Variants in IQSEC3 observed in about 807,000 individuals in gnomAD.
IQSEC3 encodes the protein IQ motif and SEC7 domain-containing protein 3.
IQSEC3 carries 50 observed loss-of-function variants against 105.4 expected under a neutral mutation model. The observed-to-expected ratio is 0.47, with a 90% CI of 0.38 to 0.60. The LOEUF is 0.60. Among genes scored for constraint, IQSEC3 ranks in the 20% least tolerant of loss-of-function variants. The pLI is 0.00. For synonymous variants in IQSEC3, 708 were observed against 746.0 expected (o/e 0.95, Z 0.83); for missense variants, 1,415 against 1,630.0 (o/e 0.87, Z 2.27).
At chr12:69,840 C>T (rs1227455363) in intron 1 of IQSEC3, among the ~76,000 whole-genome samples, 9 of 152,238 alleles carry the variant, frequency 5.9e-5, no homozygotes, top group East Asian at 1.9e-4. Flanking sequence ...GCCCGTGGCC[C>T]GTTTTGTATG....
At chr12:149,844 G>T (rs193152205) in intron 5 of IQSEC3, among the ~76,000 whole-genome samples, 7 of 152,156 alleles carry the variant, frequency 4.6e-5, no homozygotes, top group African/African-American at 7.2e-5. Flanking sequence ...CAGGCTGCAG[G>T]GGGGGACCAT....
intron 5 of IQSEC3, among the ~76,000 whole-genome samples, chr12:146,700 GAGGA>G (rs1395255616): frequency 6.7e-6 from 1 of 149,392 alleles, no homozygotes; most frequent in East Asian, 2.1e-4. Context: ...AGGAGAGTGG[GAGGA>G]AGGGAGGGAG....
intron 1 of IQSEC3, among the ~76,000 whole-genome samples, chr12:88,588 C>A (rs1863988680): frequency 6.6e-6 from 1 of 152,206 alleles, no homozygotes; most frequent in Non-Finnish European, 1.5e-5. Context: ...GGGCAGAACA[C>A]TGAACCTGGT....
rs1403080435 is a variant in IQSEC3 at position 177,803 on chromosome 12, C to A, written c.*2770C>A. ...TAGGAAAAGCCTCCTGCTCCCTCCC[C>A]ACGGCAGCAGACAGGGCAGGGCCTC... On this transcript the variant is annotated 3_prime_UTR_variant, in exon 14 of 14. Coordinates refer to ENST00000538872, the MANE Select transcript of IQSEC3 (RefSeq NM_001170738.2). This position sits in a 1 kb window ranked among gnomAD's most constrained non-coding sequence, Gnocchi z 5.3. 1 of 152,422 alleles carries A rather than the reference C, an allele frequency of 6.6e-6. No homozygotes were observed. The highest frequency in any genetic ancestry group is 2.4e-5 in the African/African-American group (1 of 41,436). The allele number at this position is 152,422 out of a possible 1,614,324, so 9.4% of individuals were successfully genotyped here.
chr12:109,687 G>T lies in IQSEC3; in HGVS notation c.623+10473G>T, dbSNP rs118177642. The stretch of plus-strand genomic sequence containing the variant: ...CTGCACCCTTTCCCAGCACCTCCTT[G>T]TTGCTTGAGCCTCTAGAACCTTCCC... On this transcript the variant is annotated intron_variant, in intron 2 of 13. Coordinates refer to ENST00000538872, the MANE Select transcript of IQSEC3 (RefSeq NM_001170738.2). Among the ~76,000 whole-genome samples the T allele has an allele frequency of 8.0e-3, 1,211 of 152,024 alleles. 9 individuals carry two copies. The highest frequency in any genetic ancestry group is 0.029 in the East Asian group (152 of 5,164).
At chr12:67,820 G>C (rs1397524253) in intron 1 of IQSEC3, among the ~76,000 whole-genome samples, 10 of 151,938 alleles carry the variant, frequency 6.6e-5, no homozygotes, top group Middle Eastern at 3.4e-3. Flanking sequence ...GAAAAAATTT[G>C]GAAGGAAGTT....
chr12:161,787 A>G (rs1866901507), intron 7 of IQSEC3, 139 bp from the exon 8 acceptor site: 1 of 726,690 alleles, frequency 1.4e-6, no homozygotes, highest in African/African-American at 1.8e-5. Flanking sequence ...ATGAGGCACC[A>G]GCCATTGAAG....
At position 138,712 on chromosome 12, in the gene IQSEC3, A is replaced by T; in HGVS notation, c.1349A>T (p.Glu450Val). Reference sequence around the variant, plus strand: ...GCGGCCGCGGGGCCCCCAGGCCTGGAGGCCGAGGGGCGGGCGCCGGAGAGC... The same window carrying T: ...GCGGCCGCGGGGCCCCCAGGCCTGGTGGCCGAGGGGCGGGCGCCGGAGAGC... ...LQAAAGPPGL[E>V]AEGRAPESAG... Residue 450 changes from glutamate (E) to valine (V), a missense_variant, in exon 4 of 14, where the codon GAG becomes GTG. Glu to Val is a moderately radical substitution (Grantham distance 121). This residue lies in a region of IQSEC3 where 720 missense variants were observed against 633.0 expected (regional missense o/e 1.14). Transcript: ENST00000538872. This position sits in a 1 kb window ranked among gnomAD's most constrained non-coding sequence, Gnocchi z 7.1. 1 of 1,511,682 alleles carries T rather than the reference A, an allele frequency of 6.6e-7. No individual in the cohort carries two copies. The highest frequency in any genetic ancestry group is 8.8e-7 in the Non-Finnish European group (1 of 1,135,254). The allele number at this position is 1,511,682 out of a possible 1,614,324, so 93.6% of individuals were successfully genotyped here.
chr12:107,553 G>A (rs4283042), intron 2 of IQSEC3, among the ~76,000 whole-genome samples: 9,694 of 151,712 alleles, frequency 0.064, 405 homozygotes, highest in African/African-American at 0.11. Context: ...GGGACTACAG[G>A]TGCCCGCCAC....
chr12:124,390 A>AG (rs1491211208), intron 2 of IQSEC3, among the ~76,000 whole-genome samples: 2 of 1,938 alleles, frequency 1.0e-3, no homozygotes, highest in Non-Finnish European at 7.0e-3. Context: ...ACTCCATCTC[A>AG]AAAAAAAAAA....
chr12:109,616 CTTG>C (rs1565402334), intron 2 of IQSEC3, among the ~76,000 whole-genome samples: 2 of 151,692 alleles, frequency 1.3e-5, no homozygotes, highest in African/African-American at 2.4e-5. Flanking sequence ...CCCCTTCTCA[CTTG>C]CATCCCCCAG....
chr12:125,569 C>T (rs1045954951), intron 2 of IQSEC3, 64 bp from the exon 3 acceptor site: 5 of 1,418,730 alleles, frequency 3.5e-6, no homozygotes, highest in South Asian at 1.6e-5. Context: ...CTCCCCGACC[C>T]CCACATCCAC....
intron 5 of IQSEC3, among the ~76,000 whole-genome samples, chr12:149,845 G>C (rs782458436): frequency 1.3e-5 from 2 of 152,178 alleles, no homozygotes; most frequent in South Asian, 2.1e-4. Context: ...AGGCTGCAGG[G>C]GGGGACCATG....
At chr12:141,794 C>T (rs1183153998) in intron 5 of IQSEC3, 1 of 154,034 alleles carries the variant, frequency 6.5e-6, no homozygotes, top group Non-Finnish European at 1.4e-5. Flanking sequence ...GATAAATCTA[C>T]CAACAAAATC....
chr12:104,691 G>T (rs1864582710), intron 2 of IQSEC3, among the ~76,000 whole-genome samples: 1 of 152,224 alleles, frequency 6.6e-6, no homozygotes, highest in Non-Finnish European at 1.5e-5. Flanking sequence ...CGTCGTTGCC[G>T]CTAGGCAGCA....
intron 2 of IQSEC3, among the ~76,000 whole-genome samples, chr12:112,199 T>C (rs140187595): frequency 2.1e-3 from 308 of 149,012 alleles, no homozygotes; most frequent in African/African-American, 7.3e-3. Flanking sequence ...GGCAGGCTGA[T>C]AAGAACAAAC....
rs1454736443 is a variant in IQSEC3, at chr12:79,720, G to A, written c.554+12284G>A. Among the ~76,000 whole-genome samples the A allele has an allele frequency of 3.9e-5, 6 of 152,204 alleles. No individual in the cohort carries two copies. In the East Asian group the frequency reaches 9.7e-4, roughly 25 times the overall value. On this transcript the variant is annotated intron_variant, in intron 1 of 13. Coordinates refer to ENST00000538872, the MANE Select transcript of IQSEC3 (RefSeq NM_001170738.2). ...TAGCTTGATTTACTCTTTTCAAATA[G>A]ACAATACATTGACCTAGTACAAGAT...
In IQSEC3 at chr12:178,046, A is replaced by C. The variant is rs1038767381; in HGVS notation, c.*3013A>C. The C allele has an allele frequency of 6.6e-6, 1 of 152,094 alleles. No individual in the cohort carries two copies. The highest frequency in any genetic ancestry group is 1.5e-5 in the Non-Finnish European group (1 of 68,094). 9.4% of individuals were successfully genotyped at this position (152,094 alleles called of 1,614,324 possible). ...GGGAGATGAAACTAGTTTTCCACCC[A>C]CTTTTGGACAAGTCCCACCCCTAGA... On this transcript the variant is annotated 3_prime_UTR_variant, in exon 14 of 14. Coordinates refer to ENST00000538872, the MANE Select transcript of IQSEC3 (RefSeq NM_001170738.2).
intron 1 of IQSEC3, among the ~76,000 whole-genome samples, chr12:70,316 T>C (rs1863264126): frequency 2.6e-5 from 4 of 152,266 alleles, no homozygotes; most frequent in Admixed American, 2.6e-4. Flanking sequence ...TTATCTGCAT[T>C]AATACATAAT....
Sources: allele counts gnomAD v4.1 joint callset (sites outside exome capture counted in the v4.1 genomes callset), GRCh38; gene constraint gnomAD v4.1.1; regional missense constraint gnomAD v4.1.1; non-coding constraint Gnocchi (gnomAD v3.1); transcripts MANE v1.5; gene names NCBI Gene and HGNC (gene_info 2026-07-23, HGNC 2026-07-21).